The following VPS13B variants were observed in gnomAD, a reference collection of about 807,000 sequenced individuals.
The protein encoded by VPS13B is vacuolar protein sorting 13 homolog B.
In VPS13B, 285 loss-of-function variants were observed where a neutral mutation model predicts 426.4. The ratio of observed to expected loss-of-function variants is 0.67; its 90% CI spans 0.61 to 0.74. VPS13B has a LOEUF of 0.74. Among genes scored for constraint, VPS13B ranks in the 30% least tolerant of loss-of-function variants. The probability of loss-of-function intolerance (pLI) is 0.00; values close to 1 mark genes in which losing one functional copy is unlikely to be tolerated. For synonymous variants in VPS13B, 1,676 were observed against 1,676.4 expected (o/e 1.00, Z 0.01); for missense variants, 4,537 against 4,782.6 (o/e 0.95, Z 1.51).
At chr8:99,495,556 T>C (rs1232531230) in intron 25 of VPS13B, among the ~76,000 whole-genome samples, 1 of 152,182 alleles carries the variant, frequency 6.6e-6, no homozygotes, top group African/African-American at 2.4e-5. Flanking sequence ...TACATGGTGG[T>C]TGAGGGCCTG....
At chr8:99,187,237 A>G (rs188850289) in intron 16 of VPS13B, among the ~76,000 whole-genome samples, 2 of 152,282 alleles carry the variant, frequency 1.3e-5, no homozygotes, top group African/African-American at 4.8e-5. Context: ...GGGGCGGTTC[A>G]GGAATTTGAA....
chr8:99,713,060 C>G (rs1020489074), intron 36 of VPS13B, among the ~76,000 whole-genome samples: 1 of 152,140 alleles, frequency 6.6e-6, no homozygotes, highest in Non-Finnish European at 1.5e-5. Flanking sequence ...AGTACAATAT[C>G]AGTATTTAGC....
intron 3 of VPS13B, among the ~76,000 whole-genome samples, chr8:99,092,639 A>G (rs886274274): frequency 6.6e-6 from 1 of 152,054 alleles, no homozygotes; most frequent in South Asian, 2.1e-4. Context: ...CTTTTATTTG[A>G]TACAACTAAA....
intron 42 of VPS13B, among the ~76,000 whole-genome samples, chr8:99,782,941 G>A (rs1388428435): frequency 1.3e-5 from 2 of 152,088 alleles, no homozygotes; most frequent in Non-Finnish European, 1.5e-5. Flanking sequence ...AGCAAGGTTC[G>A]GTTCAATGGG....
intron 16 of VPS13B, among the ~76,000 whole-genome samples, chr8:99,178,341 C>T (rs556554663): frequency 2.9e-5 from 4 of 139,002 alleles, no homozygotes; most frequent in East Asian, 2.2e-4. Flanking sequence ...TAATCATTGG[C>T]GGTTCCCATA....
At chr8:99,413,494 G>T (rs749596864) in intron 21 of VPS13B, among the ~76,000 whole-genome samples, 1 of 151,684 alleles carries the variant, frequency 6.6e-6, no homozygotes, top group East Asian at 1.9e-4. Flanking sequence ...GTTTGCTGTT[G>T]TTTCTCTAGT....
intron 34 of VPS13B, among the ~76,000 whole-genome samples, chr8:99,660,600 G>T (rs996530629): frequency 6.6e-6 from 1 of 150,964 alleles, no homozygotes; most frequent in Non-Finnish European, 1.5e-5. Context: ...TTTATTTAAA[G>T]AGCTATTTCA....
At chr8:99,875,050 A>C (rs1225183722) in intron 61 of VPS13B, 2 of 325,302 alleles carry the variant, frequency 6.1e-6, no homozygotes, top group East Asian at 1.6e-4. Context: ...TGAATAGATG[A>C]TTTATGTGGA....
intron 39 of VPS13B, among the ~76,000 whole-genome samples, chr8:99,743,131 C>A (rs1246301696): frequency 6.6e-6 from 1 of 152,222 alleles, no homozygotes; most frequent in African/African-American, 2.4e-5. Flanking sequence ...AGCAAAGTCT[C>A]ACGATACAAA....
intron 19 of VPS13B, among the ~76,000 whole-genome samples, chr8:99,337,487 C>A (rs999415854): frequency 1.3e-5 from 2 of 150,700 alleles, no homozygotes; most frequent in South Asian, 4.2e-4. Flanking sequence ...ACATTGTGCA[C>A]ATGTACCCTA....
At chr8:99,270,901 A>C (rs571169823) in intron 17 of VPS13B, among the ~76,000 whole-genome samples, 2 of 152,152 alleles carry the variant, frequency 1.3e-5, no homozygotes, top group Non-Finnish European at 2.9e-5. Context: ...ACCACAGTAG[A>C]TGTTAAATAG....
chr8:99,510,155 T>C (rs907845116), intron 28 of VPS13B, among the ~76,000 whole-genome samples: 26 of 152,252 alleles, frequency 1.7e-4, no homozygotes, highest in African/African-American at 6.0e-4. Flanking sequence ...ACAAATGTTA[T>C]ATTGTTACAT....
At chr8:99,654,110 G>A (rs1343493034) in intron 34 of VPS13B, among the ~76,000 whole-genome samples, 6 of 151,880 alleles carry the variant, frequency 4.0e-5, no homozygotes, top group South Asian at 4.2e-4. Context: ...GTGCAGTGGC[G>A]CGATCTCGGC....
At chr8:99,444,950 A>C (rs1187472038) in intron 23 of VPS13B, among the ~76,000 whole-genome samples, 3 of 152,044 alleles carry the variant, frequency 2.0e-5, no homozygotes, top group African/African-American at 7.2e-5. Flanking sequence ...TGCCCAACCT[A>C]ATATTTTCTT....
chr8:99,551,015 CA>C (rs1165701263), intron 30 of VPS13B, among the ~76,000 whole-genome samples: 2 of 152,014 alleles, frequency 1.3e-5, no homozygotes, highest in Non-Finnish European at 2.9e-5. Flanking sequence ...CTCCAGTTGT[CA>C]GATACTGTGT....
chr8:99,520,679 A>G (rs990490426), intron 29 of VPS13B, among the ~76,000 whole-genome samples: 1 of 151,958 alleles, frequency 6.6e-6, no homozygotes, highest in African/African-American at 2.4e-5. Context: ...TGCTATTTTA[A>G]TTGTGTATTT....
chr8:99,388,178 G>A (rs898660768), intron 20 of VPS13B, among the ~76,000 whole-genome samples: 1 of 152,124 alleles, frequency 6.6e-6, no homozygotes, highest in Non-Finnish European at 1.5e-5. Flanking sequence ...TGCCCTTAAT[G>A]TGTGTCTGTA....
chr8:99,751,631 T>G (rs1278782500), intron 39 of VPS13B, among the ~76,000 whole-genome samples: 1 of 152,216 alleles, frequency 6.6e-6, no homozygotes, highest in African/African-American at 2.4e-5. Flanking sequence ...TAAGTATACT[T>G]GATAGGCTAA....
At chr8:99,262,499 C>T (rs1818096766) in intron 17 of VPS13B, among the ~76,000 whole-genome samples, 1 of 152,092 alleles carries the variant, frequency 6.6e-6, no homozygotes, top group African/African-American at 2.4e-5. Context: ...TAGCGAGCCA[C>T]TTTTATTTAG....
Sources: allele counts gnomAD v4.1 joint callset (sites outside exome capture counted in the v4.1 genomes callset), GRCh38; gene constraint gnomAD v4.1.1; transcripts MANE v1.5; gene names NCBI Gene and HGNC (gene_info 2026-07-23, HGNC 2026-07-21).